GPATCH1: variants seen among roughly 807,000 people sequenced by gnomAD.
GPATCH1 encodes G patch domain-containing protein 1.
A neutral mutation model predicts 114.9 loss-of-function variants in GPATCH1; 73 were observed. That is an observed-to-expected ratio of 0.64 (90% CI 0.53 to 0.77). The LOEUF is 0.77. Ranked by LOEUF, GPATCH1 falls within the 30% of genes least tolerant of loss-of-function variation. The probability of loss-of-function intolerance (pLI) is 0.00; values close to 1 mark genes in which losing one functional copy is unlikely to be tolerated. For missense variants in GPATCH1, 1,058 were observed against 1,144.3 expected, an observed-to-expected ratio of 0.92 and a Z score of 1.09; for synonymous variants, 391 against 428.4, an observed-to-expected ratio of 0.91 and a Z score of 1.08.
At chr19:33,088,933 A>C (rs762906495) in intron 2 of GPATCH1, among the ~76,000 whole-genome samples, 3 of 152,160 alleles carry the variant, frequency 2.0e-5, no homozygotes, top group Non-Finnish European at 4.4e-5. Context: ...CTGGGATTAC[A>C]GGTGTGAGCC....
intron 8 of GPATCH1, among the ~76,000 whole-genome samples, 177 bp from the exon 9 acceptor site, chr19:33,101,318 A>G (rs1203196757): frequency 2.6e-5 from 4 of 152,162 alleles, no homozygotes; most frequent in African/African-American, 7.2e-5. Flanking sequence ...CACTGAGTCA[A>G]CAGAGGTGTG....
chr19:33,126,602 G>A lies in GPATCH1; in HGVS notation c.2634G>A (p.Arg878=), dbSNP rs73039451. 44,836 of 1,612,176 alleles carry A rather than the reference G, an allele frequency of 0.028. 1,375 individuals carry two copies. The highest frequency in any genetic ancestry group is 0.11 in the South Asian group (10,218 of 90,824). ...RRKKEKKKKH[R]KHKHKGKQKN... ...GTTTTTTACAGAAAAAGAAACACAGGAAGCACAAACACAAAGGCAAGCAAA... is the reference window on the plus strand; with the variant it reads ...GTTTTTTACAGAAAAAGAAACACAGAAAGCACAAACACAAAGGCAAGCAAA... The change falls in exon 19 of 20, where the codon AGG becomes AGA. Residue 878 remains arginine (R), a synonymous_variant. Transcript: ENST00000170564.
At chr19:33,116,660 G>C (rs1429336928) in intron 15 of GPATCH1, among the ~76,000 whole-genome samples, 1 of 152,152 alleles carries the variant, frequency 6.6e-6, no homozygotes, top group Non-Finnish European at 1.5e-5. Context: ...CTCCCGAGTA[G>C]CTGGGACTAC....
At chr19:33,126,446 C>G in intron 18 of GPATCH1, 142 bp from the exon 19 acceptor site, 9 of 1,225,658 alleles carry the variant, frequency 7.3e-6, no homozygotes, top group Non-Finnish European at 8.9e-6. Flanking sequence ...TCTTGTTAGG[C>G]TCTCACTCTC....
intron 7 of GPATCH1, among the ~76,000 whole-genome samples, chr19:33,097,024 C>T (rs2145312097): frequency 6.6e-6 from 1 of 151,866 alleles, no homozygotes; most frequent in South Asian, 2.1e-4. Context: ...CGGCTCACCG[C>T]AACCTCCACC....
At chr19:33,094,504 G>T (rs765454437) in intron 5 of GPATCH1, among the ~76,000 whole-genome samples, 1 of 152,136 alleles carries the variant, frequency 6.6e-6, no homozygotes, top group Non-Finnish European at 1.5e-5. Context: ...TAGAGACGGG[G>T]TTTTGCCATG....
chr19:33,086,120 G>A (rs1046718648), intron 1 of GPATCH1, among the ~76,000 whole-genome samples: 2 of 152,202 alleles, frequency 1.3e-5, no homozygotes, highest in African/African-American at 4.8e-5. Flanking sequence ...ACATTCCCCT[G>A]CAACAAAGAA....
chr19:33,088,350 T>A, intron 2 of GPATCH1, 82 bp downstream of exon 2: 1 of 1,099,730 alleles, frequency 9.1e-7, no homozygotes, highest in Non-Finnish European at 1.3e-6. Context: ...TGCTTTTTTT[T>A]TTTTTAATTT....
chr19:33,096,407 T>G lies in GPATCH1; in HGVS notation c.813T>G (p.Ile271Met), dbSNP rs557732183. ...GSERAGDLGE[I>M]GLNKGRKLGI... is the part of the protein sequence containing the mutation. Reference sequence around the variant, plus strand: ...AGAGAGCTGGCGATCTTGGAGAAATTGGACTGAATAAAGGAAGAAAATTGG... The same window carrying G: ...AGAGAGCTGGCGATCTTGGAGAAATGGGACTGAATAAAGGAAGAAAATTGG... Residue 271 changes from isoleucine to methionine, a missense_variant, in exon 7 of 20, where the codon ATT becomes ATG. By Grantham distance (10) the Ile-to-Met change is conservative. Around this residue, in one of 3 missense-constraint regions of GPATCH1, gnomAD observed 893 missense variants for 977.4 expected, o/e 0.91. Transcript: ENST00000170564. 6.2e-7 allele frequency: 1 copy of G among 1,613,932 alleles called. No homozygotes were observed. The highest frequency in any genetic ancestry group is 1.3e-5 in the African/African-American group (1 of 75,032).
chr19:33,090,468 G>A (rs1972581905), intron 2 of GPATCH1, among the ~76,000 whole-genome samples: 1 of 152,126 alleles, frequency 6.6e-6, no homozygotes, highest in African/African-American at 2.4e-5. Context: ...ATTTTAAGGT[G>A]ACCTTGCATC....
intron 7 of GPATCH1, among the ~76,000 whole-genome samples, chr19:33,096,864 G>A (rs1972666098): frequency 6.6e-6 from 1 of 152,024 alleles, no homozygotes; most frequent in South Asian, 2.1e-4. Flanking sequence ...CCTGACTTCA[G>A]ATGATCCACC....
chr19:33,101,962 G>A (rs1229138660), intron 9 of GPATCH1, among the ~76,000 whole-genome samples: 1 of 150,984 alleles, frequency 6.6e-6, no homozygotes, highest in Admixed American at 6.6e-5. Context: ...CCAGGAGGTG[G>A]AGGTTACAGT....
chr19:33,127,503 G>C (rs1283152366), intron 19 of GPATCH1, among the ~76,000 whole-genome samples: 1 of 147,208 alleles, frequency 6.8e-6, no homozygotes, highest in Non-Finnish European at 1.5e-5. Context: ...GCGACAGAGC[G>C]AGACTCTTGT....
chr19:33,103,307 G>A (rs529733671), intron 9 of GPATCH1, among the ~76,000 whole-genome samples: 1 of 152,322 alleles, frequency 6.6e-6, no homozygotes, highest in South Asian at 2.1e-4. Flanking sequence ...ATAGCCAGCA[G>A]AATATATCTA....
chr19:33,081,374 C>A, intron 1 of GPATCH1, 108 bp downstream of exon 1: 1 of 853,848 alleles, frequency 1.2e-6, no homozygotes, highest in South Asian at 1.5e-5. Context: ...TCGTTCCCAG[C>A]GCTGGGAACA....
chr19:33,114,393 C>A lies in GPATCH1; in HGVS notation c.2170C>A (p.His724Asn). Reference sequence around the variant, plus strand: ...CCCCTTAGTAAACAAAGAGGAAGAGCATGCACCAGAATTATCCGCAAATCA... The same window carrying A: ...CCCCTTAGTAAACAAAGAGGAAGAGAATGCACCAGAATTATCCGCAAATCA... ...SSPLVNKEEE[H>N]APELSANQTV... The change falls in exon 15 of 20, where the codon CAT becomes AAT. Residue 724 changes from histidine (H) to asparagine (N), a missense_variant. His to Asn is a moderately conservative substitution (Grantham distance 68). This residue lies in a region of GPATCH1 where 893 missense variants were observed against 977.4 expected (regional missense o/e 0.91). Coordinates refer to ENST00000170564, the MANE Select transcript of GPATCH1 (RefSeq NM_018025.3). 1 of 1,605,700 alleles carries A rather than the reference C, an allele frequency of 6.2e-7. No individual in the cohort carries two copies. The highest frequency in any genetic ancestry group is 2.2e-5 in the East Asian group (1 of 44,810).
In GPATCH1 at chr19:33,118,999, C is replaced by T; in HGVS notation, c.2414-11C>T. 2 of 1,549,026 alleles carry T rather than the reference C, an allele frequency of 1.3e-6. No homozygotes were observed. Among genetic ancestry groups the T allele is most frequent in the Non-Finnish European group, 8.9e-7 (1 of 1,126,812 alleles). On this transcript the variant is annotated splice_polypyrimidine_tract_variant and intron_variant, in intron 16 of 19. Transcript: ENST00000170564. ...GCAGACGAATGACATGAACACCCCG[C>T]TGTTTTTCAGCTCTTGTGCCAGCAC...
intron 1 of GPATCH1, among the ~76,000 whole-genome samples, chr19:33,081,977 G>C (rs1348458459): frequency 7.4e-6 from 1 of 134,480 alleles, no homozygotes; most frequent in Non-Finnish European, 1.6e-5. Context: ...CAAAGTGCAG[G>C]GATTACAGGC....
chr19:33,093,498 A>G lies in GPATCH1; in HGVS notation c.434A>G (p.Asp145Gly), dbSNP rs1231952913. The G allele has an allele frequency of 1.2e-6, 2 of 1,613,822 alleles. No individual in the cohort carries two copies. The highest frequency in any genetic ancestry group is 1.7e-6 in the Non-Finnish European group (2 of 1,179,856). Reference protein sequence around the residue: ...TAPIPGATLLDDLITPAKLSV... With the variant: ...TAPIPGATLLGDLITPAKLSV... ...CCTATTCCTGGAGCCACCCTCCTTGATGACCTCATAACGCCAGCAAAGTGA... is the reference window on the plus strand; with the variant it reads ...CCTATTCCTGGAGCCACCCTCCTTGGTGACCTCATAACGCCAGCAAAGTGA... The change falls in exon 4 of 20, where the codon GAT becomes GGT. Residue 145 changes from aspartate to glycine, a missense_variant. Coordinates refer to ENST00000170564, the MANE Select transcript of GPATCH1 (RefSeq NM_018025.3).
Sources: allele counts gnomAD v4.1 joint callset (sites outside exome capture counted in the v4.1 genomes callset), GRCh38; gene constraint gnomAD v4.1.1; regional missense constraint gnomAD v4.1.1; transcripts MANE v1.5; gene names NCBI Gene and HGNC (gene_info 2026-07-23, HGNC 2026-07-21).